Variants in VWA3B observed in about 807,000 individuals in gnomAD.
The protein encoded by VWA3B is von Willebrand factor A domain-containing protein 3B.
Under a neutral mutation model 158.3 loss-of-function variants are expected in VWA3B, and 138 were observed. The ratio of observed to expected loss-of-function variants is 0.87; its 90% CI spans 0.76 to 1.00. The LOEUF (loss-of-function observed/expected upper bound fraction) is 1.00, where lower values mean the gene tolerates loss of function less well. Ranked by LOEUF, VWA3B falls within the 50% of genes least tolerant of loss-of-function variation. The pLI, the probability that VWA3B is intolerant of heterozygous loss-of-function variation, is 0.00. For synonymous variants in VWA3B, 596 were observed against 587.3 expected (o/e 1.01, Z -0.21); for missense variants, 1,555 against 1,565.1 (o/e 0.99, Z 0.11).
chr2:98,302,250 T>G (rs1690245543), intron 25 of VWA3B, among the ~76,000 whole-genome samples: 3 of 152,168 alleles, frequency 2.0e-5, no homozygotes, highest in African/African-American at 7.2e-5. Flanking sequence ...TCTGCCTGAT[T>G]GTGACTTCCT....
At chr2:98,201,911 A>C (rs1682575542) in intron 12 of VWA3B, among the ~76,000 whole-genome samples, 1 of 152,168 alleles carries the variant, frequency 6.6e-6, no homozygotes. Context: ...TTCTGCATTA[A>C]ATTTGTTAAC....
rs776513837 is a variant in VWA3B, at chr2:98,188,809, A to AGGC, written c.1466+682_1466+683insCGG. ...TTTGCTGATAGCCTTGTTAAAAAAAAGGTGGGGGTTGTTTGGATTCAGATC... is the reference window on the plus strand; with the variant it reads ...TTTGCTGATAGCCTTGTTAAAAAAAAGGCGGTGGGGGTTGTTTGGATTCAGATC... On this transcript the variant is annotated intron_variant, in intron 10 of 27. Transcript: ENST00000477737. 2.6e-3 allele frequency among the ~76,000 whole-genome samples: 392 copies of AGGC among 152,302 alleles called. 1 individual carries two copies. Among genetic ancestry groups the AGGC allele is most frequent in the African/African-American group, 8.0e-3 (331 of 41,568 alleles).
At chr2:98,129,220 AGAGAGTGT>A (rs1490196448) in intron 6 of VWA3B, among the ~76,000 whole-genome samples, 1 of 115,908 alleles carries the variant, frequency 8.6e-6, no homozygotes, top group Non-Finnish European at 1.9e-5. Context: ...AGAGAGAGAG[AGAGAGTGT>A]GTGTGTGTGT....
intron 20 of VWA3B, among the ~76,000 whole-genome samples, 171 bp from the exon 21 acceptor site, chr2:98,255,953 C>T (rs1687107232): frequency 6.6e-6 from 1 of 152,156 alleles, no homozygotes; most frequent in Non-Finnish European, 1.5e-5. Flanking sequence ...AACCACGAGG[C>T]TGCTGCAGTG....
chr2:98,158,805 A>G (rs796813773), intron 7 of VWA3B, among the ~76,000 whole-genome samples: 37 of 152,226 alleles, frequency 2.4e-4, no homozygotes, highest in African/African-American at 7.9e-4. Flanking sequence ...GACAGGGCTG[A>G]GAGGACAGTG....
At chr2:98,131,841 C>T (rs1675896468) in intron 6 of VWA3B, among the ~76,000 whole-genome samples, 1 of 152,174 alleles carries the variant, frequency 6.6e-6, no homozygotes, top group Non-Finnish European at 1.5e-5. Context: ...TTTATAGCCG[C>T]AGCCCCAGGA....
intron 26 of VWA3B, among the ~76,000 whole-genome samples, chr2:98,311,014 A>AATT (rs1690855593): frequency 2.6e-5 from 4 of 152,260 alleles, no homozygotes; most frequent in Non-Finnish European, 5.9e-5. Flanking sequence ...GATCCGAAGC[A>AATT]GTAATAGTCA....
chr2:98,322,419 C>T, the VWA3B span, among the ~76,000 whole-genome samples: 3 of 152,030 alleles, frequency 2.0e-5, no homozygotes, highest in East Asian at 3.9e-4. Flanking sequence ...TAAAGAAAAA[C>T]GCTCAGCATC....
At chr2:98,171,427 C>T (rs917204118) in intron 8 of VWA3B, among the ~76,000 whole-genome samples, 3 of 151,950 alleles carry the variant, frequency 2.0e-5, no homozygotes, top group Non-Finnish European at 2.9e-5. Context: ...GGGAGAGAGC[C>T]GGGAGTGTAT....
intron 22 of VWA3B, among the ~76,000 whole-genome samples, chr2:98,282,676 G>A (rs1308425508): frequency 6.6e-6 from 1 of 151,758 alleles, no homozygotes; most frequent in African/African-American, 2.4e-5. Flanking sequence ...TGGCCTCAAG[G>A]GATTCACCCG....
intron 6 of VWA3B, among the ~76,000 whole-genome samples, chr2:98,129,206 G>GGA (rs150753050): frequency 0.014 from 1,824 of 128,376 alleles, 89 homozygotes; most frequent in Admixed American, 0.084. Context: ...GAGAGAGAGA[G>GGA]GAGAGAGAGA....
chr2:98,223,206 A>G (rs972414570), intron 14 of VWA3B, among the ~76,000 whole-genome samples: 10 of 152,002 alleles, frequency 6.6e-5, no homozygotes, highest in African/African-American at 2.4e-4. Flanking sequence ...AAACCTCAGT[A>G]GATAGGTTCA....
intron 19 of VWA3B, among the ~76,000 whole-genome samples, chr2:98,238,944 C>G (rs867195074): frequency 1.1e-4 from 17 of 152,126 alleles, no homozygotes; most frequent in Admixed American, 8.5e-4. Context: ...TTTAACTTTA[C>G]TGGTAACCAA....
chr2:98,132,998 C>T (rs1025280628), intron 6 of VWA3B, among the ~76,000 whole-genome samples: 2 of 152,186 alleles, frequency 1.3e-5, no homozygotes, highest in Admixed American at 1.3e-4. Flanking sequence ...GGAACTCCTG[C>T]GTGGCTGGTG....
intron 24 of VWA3B, among the ~76,000 whole-genome samples, chr2:98,298,448 C>CTATTCTATTCTATTCT (rs1558773950): frequency 3.8e-4 from 34 of 89,384 alleles, no homozygotes; most frequent in Non-Finnish European, 2.5e-4. Context: ...TATTCTATGC[C>CTATTCTATTCTATTCT]ATGCCATGCC....
chr2:98,092,474 T>C (rs956665760), intron 1 of VWA3B, among the ~76,000 whole-genome samples: 1 of 151,980 alleles, frequency 6.6e-6, no homozygotes, highest in Non-Finnish European at 1.5e-5. Flanking sequence ...GAAACCCCAT[T>C]TCCACTAACA....
chr2:98,228,158 C>T, intron 14 of VWA3B, 44 bp from the exon 15 acceptor site: 1 of 1,555,050 alleles, frequency 6.4e-7, no homozygotes, highest in Middle Eastern at 1.7e-4. Context: ...AATTTGAGCT[C>T]TTTTTATCTA....
intron 7 of VWA3B, among the ~76,000 whole-genome samples, chr2:98,157,070 A>G (rs1323183153): frequency 1.3e-5 from 2 of 152,176 alleles, no homozygotes; most frequent in African/African-American, 4.8e-5. Flanking sequence ...ATTTTGGACA[A>G]TTAGACTGCA....
At chr2:98,256,338 A>T (rs1265371621) in intron 21 of VWA3B, among the ~76,000 whole-genome samples, 164 bp downstream of exon 21, 1 of 152,020 alleles carries the variant, frequency 6.6e-6, no homozygotes, top group Non-Finnish European at 1.5e-5. Context: ...ACCCCAGAAA[A>T]TCACTTTGTA....
Sources: allele counts gnomAD v4.1 joint callset (sites outside exome capture counted in the v4.1 genomes callset), GRCh38; gene constraint gnomAD v4.1.1; transcripts MANE v1.5; gene names NCBI Gene and HGNC (gene_info 2026-07-23, HGNC 2026-07-21).